The following IGSF3 variants were observed in gnomAD, a reference collection of about 807,000 sequenced individuals.
The protein encoded by IGSF3 is immunoglobulin superfamily member 3.
In IGSF3, 23 loss-of-function variants were observed where a neutral mutation model predicts 114.4. That is an observed-to-expected ratio of 0.20 (90% CI 0.14 to 0.28). IGSF3 has a LOEUF of 0.28. Ranked by LOEUF, IGSF3 falls within the 10% of genes least tolerant of loss-of-function variation. The pLI is 1.00. For synonymous variants in IGSF3, 571 were observed against 645.2 expected, an observed-to-expected ratio of 0.88 and a Z score of 1.74; for missense variants, 1,172 against 1,591.5, an observed-to-expected ratio of 0.74 and a Z score of 4.48.
chr1:116,580,531 T>G (rs759643379), intron 9 of IGSF3, among the ~76,000 whole-genome samples: 11 of 152,176 alleles, frequency 7.2e-5, no homozygotes, highest in Non-Finnish European at 1.5e-4. Flanking sequence ...TGGTGTCTTA[T>G]AAGAAGAAGA....
chr1:116,628,556 G>A lies in IGSF3; in HGVS notation c.44-12099C>T, dbSNP rs1208136067. On this transcript the variant is annotated intron_variant, in intron 2 of 10. Coordinates refer to ENST00000369486, the MANE Select transcript of IGSF3 (RefSeq NM_001007237.3). The surrounding 1 kb of genome is among the most constrained non-coding windows in gnomAD (Gnocchi z 4.2). The stretch of plus-strand genomic sequence containing the variant: ...CTTTGGGCAACAGGGACTGTGAAGG[G>A]CCCCCAAACCATTCCCCACCAAGAG... Among the ~76,000 whole-genome samples, 1 of 152,056 alleles carries A rather than the reference G, an allele frequency of 6.6e-6. No individual in the cohort carries two copies. Among genetic ancestry groups the A allele is most frequent in the East Asian group, 1.9e-4 (1 of 5,196 alleles).
rs544266400 is a variant in IGSF3, at chr1:116,617,046, C to A, written c.44-589G>T. 6.6e-5 allele frequency among the ~76,000 whole-genome samples: 10 copies of A among 152,268 alleles called. No homozygotes were observed. The South Asian group carries it at 1.9e-3, about 28-fold the overall frequency. On this transcript the variant is annotated intron_variant, in intron 2 of 10. Coordinates refer to ENST00000369486, the MANE Select transcript of IGSF3 (RefSeq NM_001007237.3). ...CCATAAATGGAGGCAGAGCTAAGCT[C>A]CTGCAGGCTGCTATCGTTTTAAGCT...
Position 116,628,606 on chromosome 1 carries a change from A to G in IGSF3, c.44-12149T>C, listed in dbSNP as rs1225975857. 6.6e-6 allele frequency among the ~76,000 whole-genome samples: 1 copy of G among 152,140 alleles called. No individual in the cohort carries two copies. Among genetic ancestry groups the G allele is most frequent in the East Asian group, 1.9e-4 (1 of 5,200 alleles). On this transcript the variant is annotated intron_variant, in intron 2 of 10. Coordinates refer to ENST00000369486, the MANE Select transcript of IGSF3 (RefSeq NM_001007237.3). This position sits in a 1 kb window ranked among gnomAD's most constrained non-coding sequence, Gnocchi z 4.2. ...GTGTGGGTGGCAGGCACCCTGAAAT[A>G]TGTCTAGCATACTCATAAAGCATGA...
Position 116,642,892 on chromosome 1 carries a change from T to C in IGSF3, c.43+23392A>G, listed in dbSNP as rs1013909506. On this transcript the variant is annotated intron_variant, in intron 2 of 10. Transcript: ENST00000369486. This position sits in a 1 kb window ranked among gnomAD's most constrained non-coding sequence, Gnocchi z 5.4. ...CATGGTCAGGTTTCTCTGCAGATTG[T>C]TGCCTGAAAATATTTCACCACCTGG... 9.2e-5 allele frequency among the ~76,000 whole-genome samples: 14 copies of C among 152,208 alleles called. No homozygotes were observed. The highest frequency in any genetic ancestry group is 3.1e-4 in the African/African-American group (13 of 41,462).
chr1:116,594,151 T>C lies in IGSF3; in HGVS notation c.2030-5047A>G, dbSNP rs1660242366. Among the ~76,000 whole-genome samples, 1 of 152,248 alleles carries C rather than the reference T, an allele frequency of 6.6e-6. No homozygotes were observed. The highest frequency in any genetic ancestry group is 2.4e-5 in the African/African-American group (1 of 41,482). ...CCTGTCAGGATGGCAGTCCTGCTCATGGTGCCAAGTCTGATACAGTGACTG... is the reference window on the plus strand; with the variant it reads ...CCTGTCAGGATGGCAGTCCTGCTCACGGTGCCAAGTCTGATACAGTGACTG... On this transcript the variant is annotated intron_variant, in intron 7 of 10. Coordinates refer to ENST00000369486, the MANE Select transcript of IGSF3 (RefSeq NM_001007237.3). This position sits in a 1 kb window ranked among gnomAD's most constrained non-coding sequence, Gnocchi z 5.2.
Position 116,625,290 on chromosome 1 carries a change from T to A in IGSF3, c.44-8833A>T, listed in dbSNP as rs1366362831. Among the ~76,000 whole-genome samples, 2 of 152,182 alleles carry A rather than the reference T, an allele frequency of 1.3e-5. No individual in the cohort carries two copies. The highest frequency in any genetic ancestry group is 2.9e-5 in the Non-Finnish European group (2 of 68,024). On this transcript the variant is annotated intron_variant, in intron 2 of 10. Coordinates refer to ENST00000369486, the MANE Select transcript of IGSF3 (RefSeq NM_001007237.3). The surrounding 1 kb of genome is among the most constrained non-coding windows in gnomAD (Gnocchi z 4.7). ...TATACAATAGCAGTGAGGTGCAAAG[T>A]GCAAGGTTAAGCCCTTTCAGAAAGT...
intron 2 of IGSF3, among the ~76,000 whole-genome samples, chr1:116,653,279 A>T (rs754843096): frequency 6.6e-6 from 1 of 152,154 alleles, no homozygotes; most frequent in South Asian, 2.1e-4. Context: ...TATGCAGAAG[A>T]AAACAAGAGT....
chr1:116,645,134 C>T (rs1259900906), intron 2 of IGSF3, among the ~76,000 whole-genome samples: 1 of 152,168 alleles, frequency 6.6e-6, no homozygotes, highest in East Asian at 1.9e-4. Flanking sequence ...AAGAGATGGA[C>T]AAAATGTGGT....
rs781675827 is a variant in IGSF3, at chr1:116,651,909, C to A, written c.43+14375G>T. Among the ~76,000 whole-genome samples, 10 of 152,148 alleles carry A rather than the reference C, an allele frequency of 6.6e-5. No homozygotes were observed. Among genetic ancestry groups the A allele is most frequent in the Admixed American group, 1.3e-4 (2 of 15,282 alleles). ...GACTTCTTTGCTAGCCTATAAACTACACAAAGATGAGGATTATGTCTCCTC... is the reference window on the plus strand; with the variant it reads ...GACTTCTTTGCTAGCCTATAAACTAAACAAAGATGAGGATTATGTCTCCTC... On this transcript the variant is annotated intron_variant, in intron 2 of 10. Transcript: ENST00000369486. The surrounding 1 kb of genome is among the most constrained non-coding windows in gnomAD (Gnocchi z 4.4).
At chr1:116,599,191 G>A (rs2101420274) in intron 7 of IGSF3, among the ~76,000 whole-genome samples, 1 of 152,228 alleles carries the variant, frequency 6.6e-6, no homozygotes, top group Non-Finnish European at 1.5e-5. Context: ...AGCGCCTCAT[G>A]CAAAGAAGAT....
intron 2 of IGSF3, among the ~76,000 whole-genome samples, chr1:116,637,747 C>T (rs921104296): frequency 4.6e-5 from 7 of 152,236 alleles, no homozygotes; most frequent in Non-Finnish European, 1.0e-4. Context: ...ATCAGTCTAT[C>T]TCATCCAGAC....
chr1:116,639,222 A>G (rs1026766546), intron 2 of IGSF3, among the ~76,000 whole-genome samples: 2 of 152,130 alleles, frequency 1.3e-5, no homozygotes, highest in African/African-American at 2.4e-5. Context: ...TAGGGCCAAT[A>G]CTGGGTCTGG....
At position 116,577,210 on chromosome 1, in the gene IGSF3, C is replaced by T; in HGVS notation, c.*102G>A. On this transcript the variant is annotated 3_prime_UTR_variant, in exon 11 of 11. Transcript: ENST00000369486. The surrounding 1 kb of genome is among the most constrained non-coding windows in gnomAD (Gnocchi z 5.7). ...ACTTTTCAAGTCTGACAACTTTCCA[C>T]ACACATGCACCCCAGAGTTTGGGTG... 1.5e-6 allele frequency: 2 copies of T among 1,321,550 alleles called. No individual in the cohort carries two copies. The highest frequency in any genetic ancestry group is 2.1e-6 in the Non-Finnish European group (2 of 967,668). 81.9% of individuals were successfully genotyped at this position (1,321,550 alleles called of 1,614,324 possible).
chr1:116,648,606 C>T lies in IGSF3; in HGVS notation c.43+17678G>A, dbSNP rs115914309. Among the ~76,000 whole-genome samples, 8 of 152,284 alleles carry T rather than the reference C, an allele frequency of 5.3e-5. No homozygotes were observed. Among genetic ancestry groups the T allele is most frequent in the African/African-American group, 1.7e-4 (7 of 41,544 alleles). On this transcript the variant is annotated intron_variant, in intron 2 of 10. Coordinates refer to ENST00000369486, the MANE Select transcript of IGSF3 (RefSeq NM_001007237.3). The surrounding 1 kb of genome is among the most constrained non-coding windows in gnomAD (Gnocchi z 4.7). ...AGATTGATGCAACACTGTAACAAAGCGTGTGCAAAGTGCCTAGCTCCGGAC... is the reference window on the plus strand; with the variant it reads ...AGATTGATGCAACACTGTAACAAAGTGTGTGCAAAGTGCCTAGCTCCGGAC...
rs1311983703 is a variant in IGSF3 at position 116,664,510 on chromosome 1, C to T, written c.43+1774G>A. On this transcript the variant is annotated intron_variant, in intron 2 of 10. Coordinates refer to ENST00000369486, the MANE Select transcript of IGSF3 (RefSeq NM_001007237.3). The surrounding 1 kb of genome is among the most constrained non-coding windows in gnomAD (Gnocchi z 4.6). ...CACCCTGCCACTCAGCCCTCTTTCC[C>T]GCCTTAGCCACACACCCCACCCCAC... is the stretch of plus-strand genomic sequence containing the variant. 1.3e-5 allele frequency among the ~76,000 whole-genome samples: 2 copies of T among 152,206 alleles called. No homozygotes were observed. The highest frequency in any genetic ancestry group is 2.9e-5 in the Non-Finnish European group (2 of 68,032).
Position 116,657,467 on chromosome 1 carries a change from T to C in IGSF3, c.43+8817A>G, listed in dbSNP as rs887942757. Reference sequence around the variant, plus strand: ...TAAGCAACCTAATGGATCAAACATGTGTGCTTTGGTCATCCGCAACCCAGA... The same window carrying C: ...TAAGCAACCTAATGGATCAAACATGCGTGCTTTGGTCATCCGCAACCCAGA... On this transcript the variant is annotated intron_variant, in intron 2 of 10. Coordinates refer to ENST00000369486, the MANE Select transcript of IGSF3 (RefSeq NM_001007237.3). This position sits in a 1 kb window ranked among gnomAD's most constrained non-coding sequence, Gnocchi z 4.2. 3.8e-4 allele frequency among the ~76,000 whole-genome samples: 58 copies of C among 152,292 alleles called. 1 individual carries two copies. Among genetic ancestry groups the C allele is most frequent in the African/African-American group, 1.3e-3 (53 of 41,558 alleles).
chr1:116,598,181 ACTC>A lies in IGSF3; in HGVS notation c.2029+1757_2029+1759del, dbSNP rs1047475127. Reference sequence around the variant, plus strand: ...GTCAGACAAGGTCTTGAGGTCAGCAACTCCTCTACCTTCTACAGCTGCAGAACC... The same window carrying A: ...GTCAGACAAGGTCTTGAGGTCAGCAACTCTACCTTCTACAGCTGCAGAACC... On this transcript the variant is annotated intron_variant, in intron 7 of 10. Transcript: ENST00000369486. This position sits in a 1 kb window ranked among gnomAD's most constrained non-coding sequence, Gnocchi z 4.3. 3.6e-4 allele frequency among the ~76,000 whole-genome samples: 55 copies of A among 152,096 alleles called. No homozygotes were observed. Among genetic ancestry groups the A allele is most frequent in the African/African-American group, 1.3e-3 (53 of 41,464 alleles).
chr1:116,637,487 C>T (rs1647886390), intron 2 of IGSF3, among the ~76,000 whole-genome samples: 1 of 152,136 alleles, frequency 6.6e-6, no homozygotes, highest in South Asian at 2.1e-4. Flanking sequence ...AGTTTGTTTC[C>T]GTCCTTCAGA....
In IGSF3 at chr1:116,579,606, A is replaced by G. The variant is rs778660227; in HGVS notation, c.3120T>C (p.Ala1040=). 11 of 1,614,142 alleles carry G rather than the reference A, an allele frequency of 6.8e-6. No homozygotes were observed. The South Asian group carries it at 1.2e-4, about 18-fold the overall frequency. ...RTALLSVGPD[A]VFGPEGSPWE... The stretch of plus-strand genomic sequence containing the variant: ...AAGGACTGCCCTCTGGGCCAAAGAC[A>G]GCATCTGGGCCCACGCTCAGCAGGG... Residue 1040 remains alanine, a synonymous_variant, in exon 10 of 11, where the codon GCT becomes GCC. Transcript: ENST00000369486. The surrounding 1 kb of genome is among the most constrained non-coding windows in gnomAD (Gnocchi z 6.4).
Sources: allele counts gnomAD v4.1 joint callset (sites outside exome capture counted in the v4.1 genomes callset), GRCh38; gene constraint gnomAD v4.1.1; non-coding constraint Gnocchi (gnomAD v3.1); transcripts MANE v1.5; gene names NCBI Gene and HGNC (gene_info 2026-07-23, HGNC 2026-07-21).